Variants in STAG1 observed in about 807,000 individuals in gnomAD.
STAG1 encodes STAG1 cohesin complex component.
A neutral mutation model predicts 170.9 loss-of-function variants in STAG1; 26 were observed. The ratio of observed to expected loss-of-function variants is 0.15; its 90% CI spans 0.11 to 0.21. The LOEUF (loss-of-function observed/expected upper bound fraction) is 0.21. Ranked by LOEUF, STAG1 falls within the 10% of genes least tolerant of loss-of-function variation. The probability of loss-of-function intolerance (pLI) is 1.00; values close to 1 mark genes in which losing one functional copy is unlikely to be tolerated. For synonymous variants in STAG1, 514 were observed against 497.7 expected, an observed-to-expected ratio of 1.03 and a Z score of -0.44; for missense variants, 964 against 1,509.5, an observed-to-expected ratio of 0.64 and a Z score of 5.99.
rs2107762512 is a variant in STAG1 at position 136,443,270 on chromosome 3, T to C, written c.1546+17A>G. 1.9e-6 allele frequency: 3 copies of C among 1,547,098 alleles called. No homozygotes were observed. The highest frequency in any genetic ancestry group is 2.7e-6 in the Non-Finnish European group (3 of 1,123,778). ...GAAATACAAAATCATGTAAATTAAC[T>C]TGTCAAAATACTATACCTTCCTCTC... On this transcript the variant is annotated intron_variant, in intron 15 of 33. Transcript: ENST00000383202.
intron 23 of STAG1, among the ~76,000 whole-genome samples, chr3:136,371,933 A>G (rs1334974616): frequency 6.6e-6 from 1 of 152,218 alleles, no homozygotes; most frequent in African/African-American, 2.4e-5. Flanking sequence ...TTCAATCTAT[A>G]AATTACCCTG....
intron 4 of STAG1, among the ~76,000 whole-genome samples, chr3:136,573,399 T>G (rs1937339406): frequency 6.6e-6 from 1 of 151,570 alleles, no homozygotes; most frequent in Non-Finnish European, 1.5e-5. Flanking sequence ...GTGCTGAAAA[T>G]TTTCAAAAAG....
At chr3:136,448,316 G>A (rs1343126004) in intron 14 of STAG1, among the ~76,000 whole-genome samples, 1 of 152,178 alleles carries the variant, frequency 6.6e-6, no homozygotes, top group African/African-American at 2.4e-5. Flanking sequence ...ATCAGAGACT[G>A]GGAAATTTAT....
chr3:136,378,512 C>A (rs1576407722), intron 22 of STAG1, among the ~76,000 whole-genome samples: 2 of 152,110 alleles, frequency 1.3e-5, no homozygotes, highest in Admixed American at 1.3e-4. Context: ...GTGGGCAACA[C>A]AGAAAATTAG....
At position 136,336,627 on chromosome 3, in the gene STAG1, A is replaced by G. The variant is rs992831637; in HGVS notation, c.*1627T>C. The G allele has an allele frequency of 2.6e-5, 4 of 152,074 alleles. No homozygotes were observed. The highest frequency in any genetic ancestry group is 6.6e-5 in the Admixed American group (1 of 15,256). The allele number at this position is 152,074 out of a possible 1,614,324, so 9.4% of individuals were successfully genotyped here. A position where few individuals can be genotyped will look rare whatever the true frequency, so the allele number is the denominator to read the frequency against. ...AGTGAAGCCCACAATTCTGGGAGAAAGTGAGGCCCCAGCTCCCCTAACTGG... is the reference window on the plus strand; with the variant it reads ...AGTGAAGCCCACAATTCTGGGAGAAGGTGAGGCCCCAGCTCCCCTAACTGG... On this transcript the variant is annotated 3_prime_UTR_variant, in exon 34 of 34. Transcript: ENST00000383202.
At chr3:136,469,671 T>C (rs1056057193) in intron 12 of STAG1, among the ~76,000 whole-genome samples, 75 of 152,268 alleles carry the variant, frequency 4.9e-4, no homozygotes, top group Non-Finnish European at 3.2e-4. Context: ...GAGCTTGCAT[T>C]GCCAAGACAA....
intron 1 of STAG1, among the ~76,000 whole-genome samples, chr3:136,747,777 A>T (rs906950299): frequency 7.0e-6 from 1 of 143,716 alleles, no homozygotes; most frequent in African/African-American, 2.5e-5. Context: ...GAATTACGTA[A>T]TTTTTTTTTT....
intron 7 of STAG1, among the ~76,000 whole-genome samples, chr3:136,520,295 CT>C (rs1934609618): frequency 6.6e-6 from 1 of 151,890 alleles, no homozygotes; most frequent in Non-Finnish European, 1.5e-5. Context: ...AGGAACAGTG[CT>C]TTAAATAAAT....
intron 3 of STAG1, among the ~76,000 whole-genome samples, chr3:136,605,168 C>A (rs1000855642): frequency 3.3e-5 from 5 of 152,166 alleles, no homozygotes; most frequent in Non-Finnish European, 2.9e-5. Context: ...AACAAATATG[C>A]TGAACGTATC....
At chr3:136,727,270 G>C (rs1004331783) in intron 1 of STAG1, among the ~76,000 whole-genome samples, 2 of 152,080 alleles carry the variant, frequency 1.3e-5, no homozygotes, top group African/African-American at 4.8e-5. Flanking sequence ...GATAATCCCA[G>C]CACCACCCCA....
chr3:136,526,417 C>G (rs994528753), intron 6 of STAG1, among the ~76,000 whole-genome samples: 6 of 152,092 alleles, frequency 3.9e-5, no homozygotes, highest in Admixed American at 3.3e-4. Context: ...AGGATTGCAA[C>G]CCCTGCCTTT....
intron 20 of STAG1, among the ~76,000 whole-genome samples, chr3:136,418,664 CAG>C: frequency 6.7e-6 from 1 of 150,212 alleles, no homozygotes; most frequent in Non-Finnish European, 1.5e-5. Flanking sequence ...TTTTAAAAGA[CAG>C]GGTCTCGCTC....
rs57934830 is a variant in STAG1, at chr3:136,377,386, C to CAAAAAAAAA, written c.2370+265_2370+273dup. On this transcript the variant is annotated intron_variant, in intron 23 of 33. Coordinates refer to ENST00000383202, the MANE Select transcript of STAG1 (RefSeq NM_005862.3). ...TGGGCGACAGAGCGAGACTCTGTCT[C>CAAAAAAAAA]AAAAAAAAAAAAAAAAAAAGTCTAC... 6.2e-3 allele frequency among the ~76,000 whole-genome samples: 264 copies of CAAAAAAAAA among 42,566 alleles called. 96 individuals carry two copies. Among genetic ancestry groups the CAAAAAAAAA allele is most frequent in the Middle Eastern group, 0.05 (2 of 40 alleles). 27.9% of individuals were successfully genotyped at this position (42,566 alleles called of 152,430 possible).
In STAG1 at chr3:136,443,347, A is replaced by C; in HGVS notation, c.1486T>G (p.Leu496Val). The C allele has an allele frequency of 1.2e-6, 2 of 1,613,972 alleles. No individual in the cohort carries two copies. The highest frequency in any genetic ancestry group is 1.7e-6 in the Non-Finnish European group (2 of 1,179,954). ...DSLWESSQELLKDWECMTELL... is the reference protein window; with the variant it reads ...DSLWESSQELVKDWECMTELL... ...TCTGTCATACATTCCCAGTCTTTCAACAGTTCTTGAGAGCTCTCCCATAAA... is the reference window on the plus strand; with the variant it reads ...TCTGTCATACATTCCCAGTCTTTCACCAGTTCTTGAGAGCTCTCCCATAAA... The change falls in exon 15 of 34, where the codon TTG (leucine) becomes GTG (valine). Residue 496 changes from leucine to valine, a missense_variant. Transcript: ENST00000383202.
At chr3:136,684,751 G>C (rs745384529) in intron 1 of STAG1, among the ~76,000 whole-genome samples, 3 of 146,510 alleles carry the variant, frequency 2.0e-5, no homozygotes, top group Admixed American at 2.0e-4. Context: ...ACTCCAGACT[G>C]GGCAACAGAG....
At chr3:136,539,275 T>C (rs1935782521) in intron 6 of STAG1, among the ~76,000 whole-genome samples, 1 of 152,174 alleles carries the variant, frequency 6.6e-6, no homozygotes, top group Admixed American at 6.5e-5. Context: ...TATTTAACCA[T>C]TTTTATACTT....
chr3:136,445,966 T>C (rs923010483), intron 14 of STAG1, among the ~76,000 whole-genome samples: 6 of 152,236 alleles, frequency 3.9e-5, no homozygotes, highest in Non-Finnish European at 7.3e-5. Flanking sequence ...TTTAATAAAA[T>C]ATGTTAATTG....
At chr3:136,442,235 A>C (rs937937687) in intron 15 of STAG1, among the ~76,000 whole-genome samples, 7 of 152,302 alleles carry the variant, frequency 4.6e-5, no homozygotes, top group African/African-American at 1.7e-4. Context: ...TCTGAAGACC[A>C]TGTTCAATCT....
chr3:136,438,289 G>C (rs1372116091), intron 15 of STAG1, among the ~76,000 whole-genome samples: 1 of 147,542 alleles, frequency 6.8e-6, no homozygotes, highest in South Asian at 2.2e-4. Flanking sequence ...GCCCAGACTG[G>C]AGTGCAGTGG....
Sources: allele counts gnomAD v4.1 joint callset (sites outside exome capture counted in the v4.1 genomes callset), GRCh38; gene constraint gnomAD v4.1.1; transcripts MANE v1.5; gene names NCBI Gene and HGNC (gene_info 2026-07-23, HGNC 2026-07-21).